GRIA4: variants seen among roughly 807,000 people sequenced by gnomAD.
GRIA4 encodes glutamate ionotropic receptor AMPA type subunit 4.
In GRIA4, 34 loss-of-function variants were observed where a neutral mutation model predicts 104.0. The ratio of observed to expected loss-of-function variants is 0.33; its 90% CI spans 0.25 to 0.44. The LOEUF (loss-of-function observed/expected upper bound fraction) is 0.44, where lower values mean the gene tolerates loss of function less well. Ranked by LOEUF, GRIA4 falls within the 20% of genes least tolerant of loss-of-function variation. The probability of loss-of-function intolerance (pLI) is 1.00; values close to 1 mark genes in which losing one functional copy is unlikely to be tolerated. For synonymous variants in GRIA4, 386 were observed against 381.9 expected (o/e 1.01, Z -0.13); for missense variants, 750 against 1,096.5 (o/e 0.68, Z 4.46).
At chr11:105,856,034 T>A (rs1048671607) in intron 4 of GRIA4, among the ~76,000 whole-genome samples, 3 of 152,160 alleles carry the variant, frequency 2.0e-5, no homozygotes, top group Non-Finnish European at 2.9e-5. Flanking sequence ...AAATCATCTC[T>A]CTATGATTTA....
chr11:105,867,653 C>A (rs1294336246), intron 5 of GRIA4, among the ~76,000 whole-genome samples: 1 of 152,058 alleles, frequency 6.6e-6, no homozygotes, highest in Non-Finnish European at 1.5e-5. Flanking sequence ...TGGCTAATGG[C>A]CATGAGGTCA....
chr11:105,819,832 C>A (rs1943513926), intron 4 of GRIA4, among the ~76,000 whole-genome samples: 1 of 152,072 alleles, frequency 6.6e-6, no homozygotes, highest in Admixed American at 6.6e-5. Context: ...TACCTCAGAA[C>A]ATGAACTTAT....
intron 3 of GRIA4, among the ~76,000 whole-genome samples, chr11:105,663,462 A>G (rs984102033): frequency 1.3e-5 from 2 of 151,964 alleles, no homozygotes; most frequent in African/African-American, 4.8e-5. Context: ...CACGGGGAAA[A>G]TCAAAACGTG....
At chr11:105,649,407 T>C (rs1259309281) in intron 3 of GRIA4, among the ~76,000 whole-genome samples, 5 of 152,184 alleles carry the variant, frequency 3.3e-5, no homozygotes, top group African/African-American at 4.8e-5. Flanking sequence ...ATTAAGATTA[T>C]TTCATCCAAT....
Position 105,898,335 on chromosome 11 carries a change from G to A in GRIA4, c.793G>A (p.Val265Met), listed in dbSNP as rs1946732311. The A allele has an allele frequency of 2.5e-6, 4 of 1,578,408 alleles. No homozygotes were observed. In the South Asian group the frequency reaches 3.3e-5, roughly 13 times the overall value. The change falls in exon 7 of 17, where the codon GTG becomes ATG. Residue 265 changes from valine to methionine, a missense_variant. Physicochemically the swap from Val to Met is conservative, Grantham distance 21 (BLOSUM62 1). Transcript: ENST00000282499. ...AGCCAATGTTACTGGATTCCAGTTG[G>A]TGGATTTTAATACACCTATGGTAAT... is the stretch of plus-strand genomic sequence containing the variant. ...GGANVTGFQL[V>M]DFNTPMVIKL...
intron 3 of GRIA4, among the ~76,000 whole-genome samples, chr11:105,726,425 C>G (rs1219616915): frequency 6.6e-6 from 1 of 152,120 alleles, no homozygotes; most frequent in Admixed American, 6.5e-5. Context: ...TCATCTCCTT[C>G]GCACAGGGCA....
chr11:105,809,880 C>G (rs1275167701), intron 4 of GRIA4, among the ~76,000 whole-genome samples: 1 of 152,092 alleles, frequency 6.6e-6, no homozygotes, highest in Non-Finnish European at 1.5e-5. Flanking sequence ...CATTACCCAT[C>G]CCCTCTTTAT....
intron 3 of GRIA4, among the ~76,000 whole-genome samples, chr11:105,681,850 T>G (rs939907847): frequency 7.9e-5 from 12 of 152,102 alleles, no homozygotes; most frequent in South Asian, 2.1e-4. Flanking sequence ...AAAACCAACC[T>G]GGTCAACATG....
At chr11:105,856,265 T>C (rs1468523257) in intron 4 of GRIA4, among the ~76,000 whole-genome samples, 3 of 152,134 alleles carry the variant, frequency 2.0e-5, no homozygotes, top group Non-Finnish European at 4.4e-5. Context: ...TGTCACTCTT[T>C]TCTGAGAGTC....
intron 3 of GRIA4, among the ~76,000 whole-genome samples, chr11:105,712,072 G>A (rs1392389654): frequency 6.6e-6 from 1 of 151,920 alleles, no homozygotes; most frequent in East Asian, 1.9e-4. Flanking sequence ...TAAAATTTAT[G>A]TATTTATGTA....
At chr11:105,750,761 A>G (rs2135687335) in intron 3 of GRIA4, among the ~76,000 whole-genome samples, 1 of 152,240 alleles carries the variant, frequency 6.6e-6, no homozygotes, top group South Asian at 2.1e-4. Flanking sequence ...TAAATTTTAT[A>G]GAGTCAGTTG....
At chr11:105,918,378 A>G (rs565937202) in intron 10 of GRIA4, among the ~76,000 whole-genome samples, 1 of 152,262 alleles carries the variant, frequency 6.6e-6, no homozygotes, top group African/African-American at 2.4e-5. Context: ...TATTTTAGAA[A>G]TACTCATTTC....
At chr11:105,693,040 G>A (rs1329447479) in intron 3 of GRIA4, among the ~76,000 whole-genome samples, 1 of 152,176 alleles carries the variant, frequency 6.6e-6, no homozygotes, top group Non-Finnish European at 1.5e-5. Context: ...GGCATTGAAA[G>A]CTTCAGTTAT....
At chr11:105,699,520 G>T (rs147299915) in intron 3 of GRIA4, among the ~76,000 whole-genome samples, 31 of 152,280 alleles carry the variant, frequency 2.0e-4, no homozygotes, top group East Asian at 1.9e-3. Flanking sequence ...TCTGCCAGAA[G>T]AAATGTCATA....
intron 3 of GRIA4, among the ~76,000 whole-genome samples, chr11:105,650,734 T>A (rs1354015273): frequency 6.6e-6 from 1 of 152,132 alleles, no homozygotes; most frequent in African/African-American, 2.4e-5. Flanking sequence ...ATTTTTTTCC[T>A]GAGCATCCCA....
At chr11:105,842,410 A>C (rs2135962805) in intron 4 of GRIA4, among the ~76,000 whole-genome samples, 1 of 152,292 alleles carries the variant, frequency 6.6e-6, no homozygotes, top group Non-Finnish European at 1.5e-5. Flanking sequence ...GGGCCAAAAC[A>C]AGAAGAGACC....
At chr11:105,627,774 C>G (rs1950924861) in intron 3 of GRIA4, among the ~76,000 whole-genome samples, 1 of 152,062 alleles carries the variant, frequency 6.6e-6, no homozygotes, top group Admixed American at 6.6e-5. Context: ...GGAAAGTAAA[C>G]AAAACTTAAG....
intron 3 of GRIA4, among the ~76,000 whole-genome samples, chr11:105,732,261 G>A (rs545257885): frequency 6.6e-6 from 1 of 152,302 alleles, no homozygotes; most frequent in African/African-American, 2.4e-5. Context: ...GCCATTGCTA[G>A]CTTCTAGAAG....
chr11:105,787,354 T>C (rs2135791616), intron 4 of GRIA4, among the ~76,000 whole-genome samples: 1 of 151,660 alleles, frequency 6.6e-6, no homozygotes, highest in South Asian at 2.1e-4. Context: ...CTCTGAAGCA[T>C]ACAGAAAACG....
Sources: gnomAD v4.1 joint callset for allele counts (sites outside exome capture counted in the v4.1 genomes callset) on GRCh38, gnomAD v4.1.1 for gene constraint, MANE v1.5 for transcripts, NCBI Gene and HGNC (gene_info 2026-07-23, HGNC 2026-07-21) for gene names.